RSPO2: variants seen among roughly 807,000 people sequenced by gnomAD.
RSPO2 encodes the protein R-spondin 2, also known as R-spondin-2.
Under a neutral mutation model 30.9 loss-of-function variants are expected in RSPO2, and 14 were observed. That is an observed-to-expected ratio of 0.45 (90% confidence interval 0.30 to 0.71). RSPO2 has a LOEUF of 0.71. RSPO2 is among the 30% of genes least tolerant of loss of function. The pLI is 0.08. For synonymous variants in RSPO2, 107 were observed against 96.4 expected, an observed-to-expected ratio of 1.11 and a Z score of -0.64; for missense variants, 264 against 301.9, an observed-to-expected ratio of 0.87 and a Z score of 0.93.
intron 2 of RSPO2, among the ~76,000 whole-genome samples, chr8:108,037,610 G>T (rs1032221259): frequency 3.9e-5 from 6 of 152,318 alleles, no homozygotes; most frequent in African/African-American, 1.4e-4. Flanking sequence ...ACTGGGAGAA[G>T]ATGCCACCCA....
intron 5 of RSPO2, among the ~76,000 whole-genome samples, chr8:107,914,846 A>G (rs893677337): frequency 6.6e-6 from 1 of 152,162 alleles, no homozygotes; most frequent in Non-Finnish European, 1.5e-5. Context: ...GTGTTTTCCT[A>G]ATCTTCCTGT....
At chr8:107,928,781 C>T (rs1812462812) in intron 5 of RSPO2, among the ~76,000 whole-genome samples, 1 of 152,022 alleles carries the variant, frequency 6.6e-6, no homozygotes, top group Admixed American at 6.6e-5. Flanking sequence ...AATAGTAGTT[C>T]CTATGAGATA....
intron 2 of RSPO2, among the ~76,000 whole-genome samples, chr8:108,057,674 A>C (rs926143826): frequency 6.6e-6 from 1 of 151,968 alleles, no homozygotes; most frequent in African/African-American, 2.4e-5. Flanking sequence ...CTTACTTAAA[A>C]ACACTAAACA....
chr8:108,057,463 G>C (rs578104653), intron 2 of RSPO2, among the ~76,000 whole-genome samples: 3 of 151,750 alleles, frequency 2.0e-5, no homozygotes, highest in East Asian at 1.9e-4. Context: ...ACTACAGTAA[G>C]TGGCTATAAA....
intron 2 of RSPO2, among the ~76,000 whole-genome samples, chr8:108,064,800 T>A (rs1377380512): frequency 1.3e-5 from 2 of 152,116 alleles, no homozygotes; most frequent in Non-Finnish European, 2.9e-5. Flanking sequence ...TAGACTGGAT[T>A]AAGAAAATGT....
rs369225710 is a variant in RSPO2 at position 107,935,737 on chromosome 8, C to G, written c.616+22343G>C. 1.3e-4 allele frequency among the ~76,000 whole-genome samples: 20 copies of G among 152,204 alleles called. No homozygotes were observed. In the East Asian group the frequency reaches 2.1e-3, roughly 16 times the overall value. ...TGAAGAGCTCTAGTGTCTTAGCAAG[C>G]CACCCTGGGTCAGCTGAAAGAGTTG... is the stretch of plus-strand genomic sequence containing the variant. On this transcript the variant is annotated intron_variant, in intron 5 of 5. Coordinates refer to ENST00000276659, the MANE Select transcript of RSPO2 (RefSeq NM_178565.5).
chr8:107,987,308 C>T (rs1001528141), intron 3 of RSPO2, among the ~76,000 whole-genome samples: 1 of 152,178 alleles, frequency 6.6e-6, no homozygotes. Flanking sequence ...ATTCATCTCC[C>T]TCACTTCTGC....
chr8:107,960,147 G>GTA (rs920903053), intron 4 of RSPO2, among the ~76,000 whole-genome samples: 51 of 152,086 alleles, frequency 3.4e-4, no homozygotes, highest in African/African-American at 1.2e-3. Context: ...TTCACAAATA[G>GTA]TATATATATC....
At chr8:108,037,065 C>T (rs1393507963) in intron 2 of RSPO2, among the ~76,000 whole-genome samples, 1 of 152,240 alleles carries the variant, frequency 6.6e-6, no homozygotes, top group South Asian at 2.1e-4. Context: ...ACAGTGGCCT[C>T]TAAGTATTCA....
At chr8:107,956,318 T>C (rs952553403) in intron 5 of RSPO2, among the ~76,000 whole-genome samples, 4 of 152,216 alleles carry the variant, frequency 2.6e-5, no homozygotes, top group Non-Finnish European at 5.9e-5. Flanking sequence ...ATTAGAGCTA[T>C]AGCTAGTCTT....
At chr8:107,983,221 A>G (rs765797242) in intron 3 of RSPO2, 1 of 1,579,028 alleles carries the variant, frequency 6.3e-7, no homozygotes, top group African/African-American at 1.4e-5. Flanking sequence ...TTGTCACAAA[A>G]AGGCTGCAGC....
intron 2 of RSPO2, among the ~76,000 whole-genome samples, chr8:108,063,901 T>C (rs202191480): frequency 2.6e-5 from 4 of 152,106 alleles, no homozygotes; most frequent in Non-Finnish European, 4.4e-5. Context: ...TGATCTTTGA[T>C]AAACCTGAGA....
Position 107,921,138 on chromosome 8 carries a change from C to T in RSPO2, c.617-19948G>A, listed in dbSNP as rs147371122. Reference sequence around the variant, plus strand: ...CACTGAAGGAATTTTTTGGTGGGTACATTATACCCTAAAATAGATTATACA... The same window carrying T: ...CACTGAAGGAATTTTTTGGTGGGTATATTATACCCTAAAATAGATTATACA... On this transcript the variant is annotated intron_variant, in intron 5 of 5. Coordinates refer to ENST00000276659, the MANE Select transcript of RSPO2 (RefSeq NM_178565.5). 4.3e-3 allele frequency among the ~76,000 whole-genome samples: 654 copies of T among 152,132 alleles called. 12 individuals carry two copies. Among genetic ancestry groups the T allele is most frequent in the Admixed American group, 0.027 (416 of 15,248 alleles).
At chr8:107,932,932 T>C (rs892163882) in intron 5 of RSPO2, among the ~76,000 whole-genome samples, 1 of 152,132 alleles carries the variant, frequency 6.6e-6, no homozygotes, top group African/African-American at 2.4e-5. Context: ...AAAACTTTGA[T>C]GTACTAGAAG....
chr8:108,031,836 C>G (rs1811431586), intron 2 of RSPO2, among the ~76,000 whole-genome samples: 1 of 146,176 alleles, frequency 6.8e-6, no homozygotes, highest in Non-Finnish European at 1.5e-5. Flanking sequence ...ATTTCTAGCA[C>G]AAGCAGAAAA....
chr8:107,973,532 TCA>T (rs4035018), intron 3 of RSPO2, among the ~76,000 whole-genome samples: 41,258 of 149,376 alleles, frequency 0.28, 5,651 homozygotes, highest in South Asian at 0.33. Flanking sequence ...AGACACACAC[TCA>T]CACACACACA....
At chr8:107,990,558 CACAA>C (rs1464543540) in intron 2 of RSPO2, among the ~76,000 whole-genome samples, 1 of 152,058 alleles carries the variant, frequency 6.6e-6, no homozygotes, top group Non-Finnish European at 1.5e-5. Context: ...TCAGAGATAA[CACAA>C]ACAAATGGAA....
At chr8:107,997,208 C>T in intron 2 of RSPO2, 1 of 197,104 alleles carries the variant, frequency 5.1e-6, no homozygotes, top group Non-Finnish European at 1.0e-5. Context: ...CTCCATCTAC[C>T]ACATGGTCAC....
At chr8:108,040,631 A>G (rs1269365048) in intron 2 of RSPO2, among the ~76,000 whole-genome samples, 1 of 152,206 alleles carries the variant, frequency 6.6e-6, no homozygotes, top group Non-Finnish European at 1.5e-5. Flanking sequence ...GCAAGAGAAC[A>G]ACATGACCAA....
Sources: allele counts gnomAD v4.1 joint callset (sites outside exome capture counted in the v4.1 genomes callset), GRCh38; gene constraint gnomAD v4.1.1; transcripts MANE v1.5; gene names NCBI Gene and HGNC (gene_info 2026-07-23, HGNC 2026-07-21).